DENND1B: variants seen among roughly 807,000 people sequenced by gnomAD.
DENND1B encodes DENN domain-containing protein 1B.
DENND1B carries 59 observed loss-of-function variants against 90.1 expected under a neutral mutation model. That is an observed-to-expected ratio of 0.65 (90% confidence interval 0.53 to 0.81). The LOEUF is 0.81. Among genes scored for constraint, DENND1B ranks in the 40% least tolerant of loss-of-function variants. The pLI, the probability that DENND1B is intolerant of heterozygous loss-of-function variation, is 0.00. For synonymous variants in DENND1B, 337 were observed against 324.6 expected (o/e 1.04, Z -0.41); for missense variants, 862 against 912.6 (o/e 0.94, Z 0.71).
chr1:197,544,295 A>G (rs1670555445), intron 18 of DENND1B, among the ~76,000 whole-genome samples: 1 of 152,166 alleles, frequency 6.6e-6, no homozygotes, highest in African/African-American at 2.4e-5. Flanking sequence ...CTAGGTGGAT[A>G]AAGGCCAAGA....
intron 10 of DENND1B, among the ~76,000 whole-genome samples, chr1:197,618,494 G>A (rs1480442659): frequency 6.6e-6 from 1 of 151,074 alleles, no homozygotes; most frequent in African/African-American, 2.4e-5. Flanking sequence ...CTATTTTAAA[G>A]GTAATTGCCA....
chr1:197,692,568 T>C (rs1412606364), intron 3 of DENND1B, among the ~76,000 whole-genome samples: 3 of 151,864 alleles, frequency 2.0e-5, no homozygotes, highest in Non-Finnish European at 4.4e-5. Context: ...TATCTGATGT[T>C]AATCTTCCTC....
chr1:197,580,876 A>C (rs1674174577), intron 15 of DENND1B, among the ~76,000 whole-genome samples: 1 of 152,316 alleles, frequency 6.6e-6, no homozygotes, highest in Middle Eastern at 3.4e-3. Flanking sequence ...CTGTCTCAAC[A>C]TAAGGAGTTC....
intron 6 of DENND1B, among the ~76,000 whole-genome samples, chr1:197,654,671 G>A (rs1197553164): frequency 6.6e-6 from 1 of 151,276 alleles, no homozygotes; most frequent in African/African-American, 2.4e-5. Context: ...ATTGCCAAAA[G>A]TCCAGTTACC....
At chr1:197,761,451 T>A (rs541584967) in intron 2 of DENND1B, among the ~76,000 whole-genome samples, 1 of 152,306 alleles carries the variant, frequency 6.6e-6, no homozygotes, top group South Asian at 2.1e-4. Flanking sequence ...CTTGAGGACA[T>A]ATGATGTTCC....
At chr1:197,767,573 C>A (rs192578670) in intron 2 of DENND1B, among the ~76,000 whole-genome samples, 15 of 152,220 alleles carry the variant, frequency 9.9e-5, no homozygotes, top group Admixed American at 9.8e-4. Context: ...CTAAGAGAAA[C>A]TGTTCTAGGT....
At chr1:197,516,084 G>A (rs1668377125) in intron 20 of DENND1B, among the ~76,000 whole-genome samples, 1 of 151,656 alleles carries the variant, frequency 6.6e-6, no homozygotes, top group Non-Finnish European at 1.5e-5. Flanking sequence ...AGCTAGACAA[G>A]CATTCTATCC....
intron 16 of DENND1B, among the ~76,000 whole-genome samples, chr1:197,551,004 G>A (rs1057184413): frequency 3.3e-5 from 5 of 151,084 alleles, no homozygotes; most frequent in Admixed American, 6.6e-5. Context: ...TCATGACATC[G>A]ATATATTCTT....
chr1:197,661,873 A>C (rs1437886421), intron 5 of DENND1B, among the ~76,000 whole-genome samples: 2 of 152,000 alleles, frequency 1.3e-5, no homozygotes, highest in African/African-American at 4.8e-5. Flanking sequence ...TTCATTAAGA[A>C]GCTAATTTAT....
intron 2 of DENND1B, among the ~76,000 whole-genome samples, chr1:197,722,197 T>C (rs1661244620): frequency 6.6e-6 from 1 of 152,068 alleles, no homozygotes; most frequent in African/African-American, 2.4e-5. Context: ...AGGCCTCTTT[T>C]ATTTACTTAT....
chr1:197,605,589 T>C (rs1450596900), intron 13 of DENND1B: 3 of 151,174 alleles, frequency 2.0e-5, no homozygotes, highest in Non-Finnish European at 4.5e-5. Context: ...TCTATTTTCA[T>C]AATTATTTCT....
intron 8 of DENND1B, 33 bp downstream of exon 8, chr1:197,647,022 T>C: frequency 2.1e-6 from 3 of 1,444,352 alleles, no homozygotes; most frequent in Non-Finnish European, 2.7e-6. Flanking sequence ...TATTTAATAG[T>C]GATTTTTAGA....
chr1:197,722,867 C>A (rs1661310978), intron 2 of DENND1B, among the ~76,000 whole-genome samples: 1 of 152,048 alleles, frequency 6.6e-6, no homozygotes, highest in African/African-American at 2.4e-5. Context: ...GTTCACCATT[C>A]TAAAAATGCA....
In DENND1B at chr1:197,769,100, A is replaced by G. The variant is rs138658216; in HGVS notation, c.82+3768T>C. On this transcript the variant is annotated intron_variant, in intron 2 of 22. Transcript: ENST00000620048. ...GAAAAATGAACAAGAGAAGCATGCC[A>G]AATACCTTAACATAATGTCACCAAT... Among the ~76,000 whole-genome samples the G allele has an allele frequency of 2.1e-3, 327 of 152,366 alleles. 2 individuals carry two copies. The highest frequency in any genetic ancestry group is 7.5e-3 in the African/African-American group (311 of 41,586).
chr1:197,757,784 G>A (rs1654499654), intron 2 of DENND1B, among the ~76,000 whole-genome samples: 2 of 152,094 alleles, frequency 1.3e-5, no homozygotes, highest in Admixed American at 1.3e-4. Flanking sequence ...TGAATTTTCT[G>A]TATTTTTTAA....
intron 14 of DENND1B, among the ~76,000 whole-genome samples, chr1:197,584,740 T>C (rs1024608547): frequency 6.6e-6 from 1 of 152,126 alleles, no homozygotes; most frequent in African/African-American, 2.4e-5. Flanking sequence ...GGTTCATTCA[T>C]AGCTCACTGC....
At chr1:197,751,193 C>T (rs1403450340) in intron 2 of DENND1B, among the ~76,000 whole-genome samples, 3 of 152,236 alleles carry the variant, frequency 2.0e-5, no homozygotes, top group South Asian at 2.1e-4. Flanking sequence ...GGCCATAAAA[C>T]AAATCTCATA....
chr1:197,683,878 G>A (rs1656951563), intron 3 of DENND1B, among the ~76,000 whole-genome samples: 1 of 152,178 alleles, frequency 6.6e-6, no homozygotes, highest in Non-Finnish European at 1.5e-5. Context: ...CCAGATCAAT[G>A]GAGTTAGTGG....
intron 3 of DENND1B, among the ~76,000 whole-genome samples, chr1:197,697,458 C>T (rs1658551859): frequency 1.3e-5 from 2 of 151,826 alleles, no homozygotes; most frequent in South Asian, 2.1e-4. Context: ...ATTATCTGAA[C>T]TATATGGCAG....
Sources: allele counts gnomAD v4.1 joint callset (sites outside exome capture counted in the v4.1 genomes callset), GRCh38; gene constraint gnomAD v4.1.1; transcripts MANE v1.5; gene names NCBI Gene and HGNC (gene_info 2026-07-23, HGNC 2026-07-21).